Variants in GALNT11 observed in about 807,000 individuals in gnomAD.
GALNT11 encodes the protein UDP-GalNAc:polypeptide N-acetylgalactosaminyltransferase 11.
GALNT11 carries 47 observed loss-of-function variants against 72.7 expected under a neutral mutation model. The ratio of observed to expected loss-of-function variants is 0.65; its 90% confidence interval spans 0.51 to 0.82. The LOEUF (loss-of-function observed/expected upper bound fraction) is 0.82. Among genes scored for constraint, GALNT11 ranks in the 40% least tolerant of loss-of-function variants. GALNT11 has a pLI of 0.00. For missense variants in GALNT11, 677 were observed against 778.4 expected (o/e 0.87, Z 1.55); for synonymous variants, 270 against 286.6 (o/e 0.94, Z 0.58).
At chr7:152,108,844 G>C (rs1298159729) in intron 6 of GALNT11, among the ~76,000 whole-genome samples, 1 of 152,124 alleles carries the variant, frequency 6.6e-6, no homozygotes, top group East Asian at 1.9e-4. Context: ...TGAATTCAAA[G>C]AGGTGTACCT....
chr7:152,053,615 G>T (rs1036259174), intron 1 of GALNT11, among the ~76,000 whole-genome samples: 2 of 152,022 alleles, frequency 1.3e-5, no homozygotes, highest in African/African-American at 4.8e-5. Flanking sequence ...ATTTCTTTAC[G>T]ATTTTTTTCC....
chr7:152,036,350 T>C lies in GALNT11; in HGVS notation c.-39+10466T>C, dbSNP rs28872201. 2.7e-3 allele frequency among the ~76,000 whole-genome samples: 414 copies of C among 152,368 alleles called. 3 individuals are homozygous for C. Among genetic ancestry groups the C allele is most frequent in the African/African-American group, 9.8e-3 (407 of 41,596 alleles). On this transcript the variant is annotated intron_variant, in intron 1 of 11. Coordinates refer to ENST00000430044, the MANE Select transcript of GALNT11 (RefSeq NM_022087.4). The stretch of plus-strand genomic sequence containing the variant: ...TGACAACAGGCAAAGTTTGTCATTC[T>C]GTGTACCTGGCTTATTTTACTTAAC...
rs774584344 is a variant in GALNT11 at position 152,113,316 on chromosome 7, G to A, written c.1151G>A (p.Arg384Gln). The A allele has an allele frequency of 2.5e-5, 40 of 1,613,894 alleles. No individual in the cohort carries two copies. Among genetic ancestry groups the A allele is most frequent in the Non-Finnish European group, 3.1e-5 (36 of 1,179,992 alleles). Residue 384 changes from arginine (R) to glutamine (Q), a missense_variant, in exon 8 of 12, where the codon CGA (arginine) becomes CAA (glutamine). By Grantham distance (43) the Arg-to-Gln change is conservative. Transcript: ENST00000430044. The stretch of plus-strand genomic sequence containing the variant: ...GTAGGACACATTTTCCGAAAAAGGC[G>A]ACCATATGGATCTCCCGAAGGCCAG... ...SRVGHIFRKR[R>Q]PYGSPEGQDT...
chr7:152,068,001 G>T (rs1432915794), intron 1 of GALNT11, among the ~76,000 whole-genome samples: 1 of 152,028 alleles, frequency 6.6e-6, no homozygotes, highest in Non-Finnish European at 1.5e-5. Flanking sequence ...ACCAGATCTT[G>T]CAAGAACTCC....
intron 1 of GALNT11, among the ~76,000 whole-genome samples, chr7:152,083,835 A>G (rs554218127): frequency 2.6e-5 from 4 of 152,328 alleles, no homozygotes; most frequent in Admixed American, 2.6e-4. Context: ...TGGCATGTAC[A>G]TCTTTCCATT....
intron 1 of GALNT11, among the ~76,000 whole-genome samples, chr7:152,083,571 C>T (rs1336583878): frequency 2.6e-5 from 4 of 152,102 alleles, no homozygotes; most frequent in Non-Finnish European, 5.9e-5. Flanking sequence ...GGCCCTGCTG[C>T]GCTGTTTGGA....
chr7:152,086,702 G>C (rs2085669015), intron 1 of GALNT11, among the ~76,000 whole-genome samples: 1 of 152,188 alleles, frequency 6.6e-6, no homozygotes, highest in Non-Finnish European at 1.5e-5. Context: ...GTGCTGGCAG[G>C]TAGCCAAGAG....
intron 4 of GALNT11, chr7:152,104,743 C>A (rs1484347905): frequency 6.6e-6 from 1 of 152,026 alleles, no homozygotes; most frequent in Non-Finnish European, 1.5e-5. Context: ...TATTTAGCAA[C>A]CTTGGAAGAA....
chr7:152,095,115 A>G (rs1303609567), intron 2 of GALNT11, among the ~76,000 whole-genome samples: 2 of 152,212 alleles, frequency 1.3e-5, no homozygotes, highest in Non-Finnish European at 2.9e-5. Flanking sequence ...TCACTTAACA[A>G]GAATTACTAA....
chr7:152,047,443 G>A (rs755749305), intron 1 of GALNT11, among the ~76,000 whole-genome samples: 5 of 151,976 alleles, frequency 3.3e-5, no homozygotes, highest in Non-Finnish European at 7.4e-5. Context: ...CAGCCTGGGC[G>A]ACAAGAGGGA....
At chr7:152,102,633 C>A (rs1162084081) in intron 3 of GALNT11, among the ~76,000 whole-genome samples, 1 of 151,964 alleles carries the variant, frequency 6.6e-6, no homozygotes, top group African/African-American at 2.4e-5. Flanking sequence ...AAGAAGAAAC[C>A]GTATTGTTTT....
intron 1 of GALNT11, among the ~76,000 whole-genome samples, chr7:152,090,815 C>G (rs1057464080): frequency 3.3e-5 from 5 of 152,184 alleles, no homozygotes; most frequent in African/African-American, 1.2e-4. Context: ...GCTTTATTTT[C>G]TTTCCTCAGC....
chr7:152,113,692 C>T (rs539476560), intron 8 of GALNT11, among the ~76,000 whole-genome samples: 26 of 137,710 alleles, frequency 1.9e-4, no homozygotes, highest in African/African-American at 6.2e-4. Flanking sequence ...TCTATTGTGA[C>T]GCCTGCAAAA....
At position 152,103,113 on chromosome 7, in the gene GALNT11, T is replaced by G. The variant is rs1481365406; in HGVS notation, c.421T>G (p.Cys141Gly). The change falls in exon 4 of 12, where the codon TGT becomes GGT. Residue 141 changes from cysteine to glycine, a missense_variant and splice_region_variant. Physicochemically the swap from Cys to Gly is radical, Grantham distance 159. Transcript: ENST00000430044. Reference protein sequence around the residue: ...RDVPDTRNAACKEKFYPPDLP... With the variant: ...RDVPDTRNAAGKEKFYPPDLP... ...ATTTCCTCATCTTTATCTTTACAGA[T>G]GTAAAGAAAAGTTCTACCCACCTGA... The G allele has an allele frequency of 6.2e-7, 1 of 1,601,842 alleles. No homozygotes were observed. Among genetic ancestry groups the G allele is most frequent in the Non-Finnish European group, 8.5e-7 (1 of 1,171,138 alleles).
At chr7:152,087,441 T>A (rs2085720374) in intron 1 of GALNT11, among the ~76,000 whole-genome samples, 1 of 152,174 alleles carries the variant, frequency 6.6e-6, no homozygotes, top group Non-Finnish European at 1.5e-5. Context: ...AGGAGACCTG[T>A]GTCTAGGACA....
At chr7:152,036,548 A>G (rs2082588961) in intron 1 of GALNT11, among the ~76,000 whole-genome samples, 1 of 152,228 alleles carries the variant, frequency 6.6e-6, no homozygotes, top group Non-Finnish European at 1.5e-5. Context: ...TGCTGCAGGA[A>G]ACATGAGACT....
At chr7:152,121,162 AT>A (rs1359549431) in intron 11 of GALNT11, among the ~76,000 whole-genome samples, 194 bp downstream of exon 11, 1 of 152,196 alleles carries the variant, frequency 6.6e-6, no homozygotes, top group Non-Finnish European at 1.5e-5. Flanking sequence ...CCTGTGATAA[AT>A]TTATCAATTA....
chr7:152,091,492 G>A (rs1490810546), intron 1 of GALNT11, among the ~76,000 whole-genome samples: 1 of 151,886 alleles, frequency 6.6e-6, no homozygotes, highest in African/African-American at 2.4e-5. Flanking sequence ...CGCCCACCTC[G>A]GCTTCCCAAA....
chr7:152,063,655 T>G (rs1039604529), intron 1 of GALNT11, among the ~76,000 whole-genome samples: 5 of 152,236 alleles, frequency 3.3e-5, no homozygotes, highest in Non-Finnish European at 5.9e-5. Context: ...GATTCTGGTA[T>G]GTTGTGTCTT....
Sources: allele counts gnomAD v4.1 joint callset (sites outside exome capture counted in the v4.1 genomes callset), GRCh38; gene constraint gnomAD v4.1.1; transcripts MANE v1.5; gene names NCBI Gene and HGNC (gene_info 2026-07-23, HGNC 2026-07-21).